SAMD4A: variants seen among roughly 807,000 people sequenced by gnomAD.
SAMD4A encodes protein Smaug homolog 1.
A neutral mutation model predicts 81.3 loss-of-function variants in SAMD4A; 33 were observed. The ratio of observed to expected loss-of-function variants is 0.41; its 90% CI spans 0.31 to 0.54. The LOEUF is 0.54. SAMD4A is among the 20% of genes least tolerant of loss of function. The pLI is 0.37. For missense variants in SAMD4A, 854 were observed against 951.1 expected, an observed-to-expected ratio of 0.90 and a Z score of 1.34; for synonymous variants, 389 against 382.1, an observed-to-expected ratio of 1.02 and a Z score of -0.21.
intron 6 of SAMD4A, among the ~76,000 whole-genome samples, chr14:54,759,506 C>G (rs1354343612): frequency 3.3e-5 from 5 of 152,240 alleles, no homozygotes; most frequent in African/African-American, 1.2e-4. Flanking sequence ...ACCCGTACCA[C>G]AGCCCCTGGC....
At chr14:54,752,053 CAA>C (rs1474209105) in intron 6 of SAMD4A, among the ~76,000 whole-genome samples, 1 of 152,198 alleles carries the variant, frequency 6.6e-6, no homozygotes, top group African/African-American at 2.4e-5. Context: ...ATTTGGCTCT[CAA>C]GAGAATAATT....
chr14:54,753,018 C>T (rs182372157), intron 6 of SAMD4A, among the ~76,000 whole-genome samples: 18 of 152,264 alleles, frequency 1.2e-4, no homozygotes, highest in Admixed American at 4.6e-4. Context: ...CATCACAGGG[C>T]GGTTTTTCTC....
intron 2 of SAMD4A, among the ~76,000 whole-genome samples, chr14:54,666,907 G>A (rs902757571): frequency 2.0e-5 from 3 of 152,102 alleles, no homozygotes; most frequent in Non-Finnish European, 4.4e-5. Flanking sequence ...CCAGGAGATG[G>A]ACTCTTAGTT....
intron 2 of SAMD4A, among the ~76,000 whole-genome samples, chr14:54,698,893 C>T (rs2036640211): frequency 6.6e-6 from 1 of 151,874 alleles, no homozygotes; most frequent in Admixed American, 6.6e-5. Flanking sequence ...TTCGTTTGTA[C>T]TATGACTCCT....
chr14:54,748,121 G>A (rs1364886271), intron 4 of SAMD4A, among the ~76,000 whole-genome samples: 2 of 152,166 alleles, frequency 1.3e-5, no homozygotes, highest in Non-Finnish European at 2.9e-5. Context: ...AGTCAAAGAT[G>A]CATCCGGATA....
rs538230578 is a variant in SAMD4A at position 54,685,001 on chromosome 14, C to A, written c.197-17061C>A. Among the ~76,000 whole-genome samples, 6 of 152,306 alleles carry A rather than the reference C, an allele frequency of 3.9e-5. No homozygotes were observed. In the East Asian group the frequency reaches 1.2e-3, roughly 29 times the overall value. On this transcript the variant is annotated intron_variant, in intron 2 of 12. Transcript: ENST00000554335. The stretch of plus-strand genomic sequence containing the variant: ...CTGCAGGGGCCTGGAAATCATACCA[C>A]CTAAAGATTGTTAGAAAAAACTGGA...
At chr14:54,605,803 A>G (rs1218405438) in intron 2 of SAMD4A, among the ~76,000 whole-genome samples, 1 of 152,024 alleles carries the variant, frequency 6.6e-6, no homozygotes, top group African/African-American at 2.4e-5. Flanking sequence ...CTATATATAT[A>G]TATATGTATA....
chr14:54,706,296 AGAAG>A (rs1458221558), intron 3 of SAMD4A, among the ~76,000 whole-genome samples: 3 of 78,772 alleles, frequency 3.8e-5, no homozygotes, highest in Non-Finnish European at 2.7e-5. Context: ...AAAAAAAAAA[AGAAG>A]AAGAAGAAGA....
chr14:54,665,975 C>T (rs368153995), intron 2 of SAMD4A, among the ~76,000 whole-genome samples: 16 of 152,242 alleles, frequency 1.1e-4, no homozygotes, highest in African/African-American at 3.9e-4. Flanking sequence ...CCCCAAAGCT[C>T]AGGGAGAGTG....
At chr14:54,750,058 G>T (rs371533955) in intron 5 of SAMD4A, among the ~76,000 whole-genome samples, 2 of 152,130 alleles carry the variant, frequency 1.3e-5, no homozygotes, top group Non-Finnish European at 2.9e-5. Context: ...TTTGGATCTT[G>T]ATTGCTCCTT....
chr14:54,766,329 C>CTAGGCAGGTTACAGTAGTGAGAGAAT (rs560182083), intron 8 of SAMD4A, among the ~76,000 whole-genome samples: 21 of 152,278 alleles, frequency 1.4e-4, no homozygotes, highest in Non-Finnish European at 2.5e-4. Flanking sequence ...TACTGAGCAC[C>CTAGGCAGGTTACAGTAGTGAGAGAAT]TAGGCAGGTT....
upstream of SAMD4A, among the ~76,000 whole-genome samples, chr14:54,565,416 GC>G (rs1049737173): frequency 6.6e-6 from 1 of 152,260 alleles, no homozygotes; most frequent in African/African-American, 2.4e-5. The surrounding 1 kb of genome is among the most constrained non-coding windows in gnomAD (Gnocchi z 5.4). Flanking sequence ...CGCCGGGCCG[GC>G]CTCTAGGAGC....
intron 4 of SAMD4A, among the ~76,000 whole-genome samples, chr14:54,739,055 C>CTTTTCTTTTTTTTTTTTTTTTT (rs5741994): frequency 3.1e-5 from 3 of 97,352 alleles, no homozygotes; most frequent in Non-Finnish European, 3.6e-5. Flanking sequence ...CTTTCCTTTT[C>CTTTTCTTTTTTTTTTTTTTTTT]TTTTTTTTTT....
chr14:54,608,551 A>G (rs995675678), intron 2 of SAMD4A, among the ~76,000 whole-genome samples: 2 of 152,252 alleles, frequency 1.3e-5, no homozygotes, highest in African/African-American at 4.8e-5. Flanking sequence ...GCTAAGCCCA[A>G]TAACAGCAGG....
Position 54,789,951 on chromosome 14 carries a change from G to C in SAMD4A, c.*1007G>C, listed in dbSNP as rs1480475562. The C allele has an allele frequency of 6.6e-6, 1 of 152,262 alleles. No individual in the cohort carries two copies. The highest frequency in any genetic ancestry group is 1.5e-5 in the Non-Finnish European group (1 of 68,074). 9.4% of individuals were successfully genotyped at this position (152,262 alleles called of 1,614,324 possible). Reference sequence around the variant, plus strand: ...GCCTCTTTCTGTGCTGGATTTGCTTGTCACGGAGAGGCCTCCCTCCCTTTC... The same window carrying C: ...GCCTCTTTCTGTGCTGGATTTGCTTCTCACGGAGAGGCCTCCCTCCCTTTC... On this transcript the variant is annotated 3_prime_UTR_variant, in exon 13 of 13. Transcript: ENST00000554335.
rs761473104 is a variant in SAMD4A at position 54,724,002 on chromosome 14, ATGG to A, written c.716-13021_716-13019del. Among the ~76,000 whole-genome samples the A allele has an allele frequency of 2.7e-3, 352 of 128,448 alleles. 1 individual carries two copies. Among genetic ancestry groups the A allele is most frequent in the Middle Eastern group, 8.2e-3 (2 of 244 alleles). 84.3% of individuals were successfully genotyped at this position (128,448 alleles called of 152,430 possible). Reference sequence around the variant, plus strand: ...TGCTCAGCAAATATTGGATGGATGGATGGATGGAAGGAAGGAAGGAAGGAAGGA... The same window carrying A: ...TGCTCAGCAAATATTGGATGGATGGAATGGAAGGAAGGAAGGAAGGAAGGA... On this transcript the variant is annotated intron_variant, in intron 3 of 12. Transcript: ENST00000554335.
At chr14:54,738,038 G>C (rs1204887165) in intron 4 of SAMD4A, among the ~76,000 whole-genome samples, 1 of 152,176 alleles carries the variant, frequency 6.6e-6, no homozygotes, top group Admixed American at 6.5e-5. Flanking sequence ...TATATTTTTA[G>C]ACTCCACTTG....
intron 2 of SAMD4A, among the ~76,000 whole-genome samples, chr14:54,651,486 A>C (rs1222573468): frequency 1.3e-5 from 2 of 152,170 alleles, no homozygotes; most frequent in African/African-American, 4.8e-5. Flanking sequence ...GCTTCATGGG[A>C]GGTAAACTTA....
intron 3 of SAMD4A, among the ~76,000 whole-genome samples, chr14:54,735,552 A>G (rs549100072): frequency 6.6e-6 from 1 of 152,232 alleles, no homozygotes; most frequent in African/African-American, 2.4e-5. Context: ...CTTCACATAC[A>G]AGGCTGCCCT....
Sources: allele counts gnomAD v4.1 joint callset (sites outside exome capture counted in the v4.1 genomes callset), GRCh38; gene constraint gnomAD v4.1.1; non-coding constraint Gnocchi (gnomAD v3.1); transcripts MANE v1.5; gene names NCBI Gene and HGNC (gene_info 2026-07-23, HGNC 2026-07-21).